AGTPBP1: variants seen among roughly 807,000 people sequenced by gnomAD.
The protein encoded by AGTPBP1 is ATP/GTP binding carboxypeptidase 1, also known as cytosolic carboxypeptidase 1.
Under a neutral mutation model 143.9 loss-of-function variants are expected in AGTPBP1, and 70 were observed. The observed-to-expected ratio is 0.49, with a 90% CI of 0.40 to 0.59. AGTPBP1 has a LOEUF of 0.59. Among genes scored for constraint, AGTPBP1 ranks in the 20% least tolerant of loss-of-function variants. The pLI is 0.00. For synonymous variants in AGTPBP1, 463 were observed against 500.2 expected (o/e 0.93, Z 0.99); for missense variants, 1,229 against 1,464.5 (o/e 0.84, Z 2.62).
intron 17 of AGTPBP1, among the ~76,000 whole-genome samples, chr9:85,608,655 T>C (rs1427448995): frequency 6.6e-6 from 1 of 152,074 alleles, no homozygotes; most frequent in Non-Finnish European, 1.5e-5. Context: ...GATGATAATA[T>C]ATTAAGATAT....
In AGTPBP1 at chr9:85,681,434, GGTACA is replaced by G. The variant is rs1835168208; in HGVS notation, c.158-104_158-100del. On this transcript the variant is annotated intron_variant, in intron 3 of 25. Coordinates refer to ENST00000357081, the MANE Select transcript of AGTPBP1 (RefSeq NM_001330701.2). ...AATAAAGATTCAACAAGTCTCCACT[GGTACA>G]GTAAACACTCTAACTTGGTTCACAG... The G allele has an allele frequency of 5.4e-6, 5 of 933,178 alleles. No individual in the cohort carries two copies. The South Asian group carries it at 7.9e-5, about 15-fold the overall frequency. The allele number at this position is 933,178 out of a possible 1,614,324, so 57.8% of individuals were successfully genotyped here.
intron 1 of AGTPBP1, among the ~76,000 whole-genome samples, chr9:85,730,016 T>C (rs62570619): frequency 0.015 from 2,256 of 152,318 alleles, 24 homozygotes; most frequent in Middle Eastern, 0.037. Flanking sequence ...GGTTCCTGAT[T>C]ACCAGAGCCT....
At chr9:85,693,938 G>C (rs1465135453) in intron 2 of AGTPBP1, among the ~76,000 whole-genome samples, 1 of 152,108 alleles carries the variant, frequency 6.6e-6, no homozygotes. Flanking sequence ...CAGAAAAACG[G>C]AGGCACAAGC....
chr9:85,680,031 C>T (rs1008114185), intron 4 of AGTPBP1, among the ~76,000 whole-genome samples: 3 of 152,158 alleles, frequency 2.0e-5, no homozygotes, highest in Admixed American at 2.0e-4. Flanking sequence ...ACCAATCACT[C>T]TATTTCTCAC....
chr9:85,732,416 A>C (rs1258265963), intron 1 of AGTPBP1, among the ~76,000 whole-genome samples: 1 of 151,890 alleles, frequency 6.6e-6, no homozygotes, highest in Non-Finnish European at 1.5e-5. Context: ...GGGTTTTACC[A>C]TGTTAGCCAG....
At chr9:85,704,349 G>A (rs549475078) in intron 2 of AGTPBP1, among the ~76,000 whole-genome samples, 5 of 152,200 alleles carry the variant, frequency 3.3e-5, no homozygotes, top group South Asian at 2.1e-4. Flanking sequence ...ACAGATCAGC[G>A]CAGGAGTGTA....
chr9:85,776,684 G>C, the AGTPBP1 span, among the ~76,000 whole-genome samples: 1 of 152,146 alleles, frequency 6.6e-6, no homozygotes, highest in Non-Finnish European at 1.5e-5. Flanking sequence ...TTAATGGTAG[G>C]TAGAGCCCAA....
chr9:85,738,563 CAAAG>C (rs1823982547), intron 1 of AGTPBP1, among the ~76,000 whole-genome samples: 1 of 152,072 alleles, frequency 6.6e-6, no homozygotes, highest in African/African-American at 2.4e-5. Flanking sequence ...ACATTATAGT[CAAAG>C]AAACACCCAA....
chr9:85,631,026 C>G (rs994008105), intron 14 of AGTPBP1, among the ~76,000 whole-genome samples: 62 of 152,164 alleles, frequency 4.1e-4, no homozygotes, highest in African/African-American at 1.4e-3. Context: ...GTAAAAACAA[C>G]CCTACCTCTA....
intron 1 of AGTPBP1, among the ~76,000 whole-genome samples, chr9:85,735,446 T>C (rs768555606): frequency 8.5e-5 from 13 of 152,208 alleles, no homozygotes; most frequent in Non-Finnish European, 1.6e-4. Context: ...AGAAGTTCCA[T>C]AGATGTATGG....
At chr9:85,665,064 G>A (rs998452145) in intron 8 of AGTPBP1, among the ~76,000 whole-genome samples, 5 of 152,180 alleles carry the variant, frequency 3.3e-5, no homozygotes, top group Admixed American at 6.5e-5. Context: ...GTTAATCACT[G>A]TTATGGGTTG....
chr9:85,767,348 AT>A, the AGTPBP1 span, among the ~76,000 whole-genome samples: 4,158 of 105,086 alleles, frequency 0.04, 112 homozygotes, highest in Middle Eastern at 0.12. Flanking sequence ...TGCCCAGCTA[AT>A]TTTTTTTTTT....
At chr9:85,773,801 A>G in the AGTPBP1 span, 12 of 1,118,818 alleles carry the variant, frequency 1.1e-5, no homozygotes, top group East Asian at 2.6e-4. Context: ...TAGCTTATCT[A>G]AGACACACTT....
intron 1 of AGTPBP1, among the ~76,000 whole-genome samples, chr9:85,719,867 T>C (rs1837984450): frequency 6.6e-6 from 1 of 152,230 alleles, no homozygotes; most frequent in Admixed American, 6.5e-5. Flanking sequence ...GTTTGTAACA[T>C]GAAAGGCTGT....
chr9:85,665,758 C>T lies in AGTPBP1; in HGVS notation c.662+3727G>A, dbSNP rs185202236. Among the ~76,000 whole-genome samples the T allele has an allele frequency of 2.2e-3, 336 of 152,140 alleles. 3 individuals carry two copies. The highest frequency in any genetic ancestry group is 7.7e-3 in the African/African-American group (320 of 41,512). On this transcript the variant is annotated intron_variant, in intron 8 of 25. Transcript: ENST00000357081. ...CAACACTGGAAAGCTGGGATATGAA[C>T]CCAGTTCTTTCAGATGGCAACACCC...
At chr9:85,667,725 TATAGTCATTGTAAGC>T (rs2134031530) in intron 8 of AGTPBP1, among the ~76,000 whole-genome samples, 1 of 152,232 alleles carries the variant, frequency 6.6e-6, no homozygotes, top group African/African-American at 2.4e-5. Context: ...AACTTCAGGA[TATAGTCATTGTAAGC>T]CAGAACGTGT....
chr9:85,658,398 A>G (rs528708058), intron 9 of AGTPBP1, among the ~76,000 whole-genome samples: 119 of 152,206 alleles, frequency 7.8e-4, no homozygotes, highest in African/African-American at 2.1e-3. Context: ...TATTATTTTT[A>G]AAAGTATTAG....
chr9:85,609,698 G>T (rs1830202291), intron 17 of AGTPBP1, among the ~76,000 whole-genome samples: 3 of 152,094 alleles, frequency 2.0e-5, no homozygotes, highest in Non-Finnish European at 4.4e-5. Flanking sequence ...AAAAGCAAGG[G>T]CACCCATAAG....
chr9:85,779,224 GATATAGAT>G, the AGTPBP1 span, among the ~76,000 whole-genome samples: 2 of 93,512 alleles, frequency 2.1e-5, no homozygotes, highest in African/African-American at 3.6e-5. Context: ...TATAGATATA[GATATAGAT>G]ATAGATATAG....
Sources: allele counts gnomAD v4.1 joint callset (sites outside exome capture counted in the v4.1 genomes callset), GRCh38; gene constraint gnomAD v4.1.1; transcripts MANE v1.5; gene names NCBI Gene and HGNC (gene_info 2026-07-23, HGNC 2026-07-21).